The following CACNA2D2 variants were observed in gnomAD, a reference collection of about 807,000 sequenced individuals.
CACNA2D2 encodes calcium voltage-gated channel auxiliary subunit alpha2delta 2.
In CACNA2D2, 48 loss-of-function variants were observed where a neutral mutation model predicts 166.4. The observed-to-expected ratio is 0.29, with a 90% CI of 0.23 to 0.37. The LOEUF (loss-of-function observed/expected upper bound fraction) is 0.37. Among genes scored for constraint, CACNA2D2 ranks in the 10% least tolerant of loss-of-function variants. CACNA2D2 has a pLI of 1.00. For missense variants in CACNA2D2, 1,122 were observed against 1,433.0 expected, an observed-to-expected ratio of 0.78 and a Z score of 3.50; for synonymous variants, 561 against 573.7, an observed-to-expected ratio of 0.98 and a Z score of 0.32.
chr3:50,376,276 C>T lies in CACNA2D2; in HGVS notation c.1627-88G>A, dbSNP rs7615488. ...AGTTCTTCCCTATTTGGCCTCCCAC[C>T]GCACCGAGAGATTCTGTTTGCCTGC... On this transcript the variant is annotated intron_variant, in intron 17 of 37. Coordinates refer to ENST00000424201, the MANE Select transcript of CACNA2D2 (RefSeq NM_006030.4). This position sits in a 1 kb window ranked among gnomAD's most constrained non-coding sequence, Gnocchi z 4.3. 811 of 1,342,514 alleles carry T rather than the reference C, an allele frequency of 6.0e-4. 3 individuals carry two copies. In the African/African-American group the frequency reaches 9.1e-3, roughly 15 times the overall value. The allele number at this position is 1,342,514 out of a possible 1,614,324, so 83.2% of individuals were successfully genotyped here. A position where few individuals can be genotyped will look rare whatever the true frequency, so the allele number is the denominator to read the frequency against.
At chr3:50,396,859 G>C (rs1260414215) in intron 3 of CACNA2D2, among the ~76,000 whole-genome samples, 1 of 152,194 alleles carries the variant, frequency 6.6e-6, no homozygotes, top group Non-Finnish European at 1.5e-5. Flanking sequence ...GGTTGAGACT[G>C]GGGCAGAGTG....
intron 2 of CACNA2D2, among the ~76,000 whole-genome samples, chr3:50,446,466 C>T (rs1708852214): frequency 6.6e-6 from 1 of 152,214 alleles, no homozygotes; most frequent in South Asian, 2.1e-4. Flanking sequence ...CTCCATCTCC[C>T]CAGCAGCTGT....
intron 1 of CACNA2D2, among the ~76,000 whole-genome samples, chr3:50,498,809 C>T (rs1268886550): frequency 6.6e-6 from 1 of 152,254 alleles, no homozygotes; most frequent in Non-Finnish European, 1.5e-5. Flanking sequence ...TCAAGCCCCC[C>T]TCCACTTCCT....
Position 50,378,180 on chromosome 3 carries a change from C to T in CACNA2D2, c.1390-83G>A. 3 of 1,580,900 alleles carry T rather than the reference C, an allele frequency of 1.9e-6. No homozygotes were observed. In the Admixed American group the frequency reaches 5.1e-5, roughly 27 times the overall value. On this transcript the variant is annotated intron_variant, in intron 14 of 37. Coordinates refer to ENST00000424201, the MANE Select transcript of CACNA2D2 (RefSeq NM_006030.4). ...GTCTCGCCAGGCATTGGGATTGTGC[C>T]CCAGCCACTGTGAGGGGGCGCCCTT... is the stretch of plus-strand genomic sequence containing the variant.
intron 3 of CACNA2D2, among the ~76,000 whole-genome samples, chr3:50,404,613 G>C (rs1380867190): frequency 6.6e-6 from 1 of 152,190 alleles, no homozygotes; most frequent in Non-Finnish European, 1.5e-5. Flanking sequence ...CTCAGGGGCA[G>C]GACATGGGAG....
Position 50,503,303 on chromosome 3 carries a change from G to A in CACNA2D2, c.121C>T (p.Pro41Ser). 2.1e-6 allele frequency: 2 copies of A among 954,302 alleles called. No homozygotes were observed. Among genetic ancestry groups the A allele is most frequent in the Non-Finnish European group, 2.7e-6 (2 of 748,326 alleles). 59.1% of individuals were successfully genotyped at this position (954,302 alleles called of 1,614,324 possible). A position where few individuals can be genotyped will look rare whatever the true frequency, so the allele number is the denominator to read the frequency against. ...GGCAGCAGCAGCCACAGCGGGCGCG[G>A]GGGCCCGGACGTCGGGCGCCGGGTG... ...PGTRRPTSGPPRPLWLLLPLL... is the reference protein window; with the variant it reads ...PGTRRPTSGPSRPLWLLLPLL... The change falls in exon 1 of 38, where the codon CCG becomes TCG. Residue 41 changes from proline (P) to serine (S), a missense_variant. Pro to Ser is a moderately conservative substitution (Grantham distance 74). Transcript: ENST00000424201.
chr3:50,427,422 A>G lies in CACNA2D2; in HGVS notation c.405+6891T>C, dbSNP rs1015729236. On this transcript the variant is annotated intron_variant, in intron 3 of 37. Transcript: ENST00000424201. This position sits in a 1 kb window ranked among gnomAD's most constrained non-coding sequence, Gnocchi z 4.7. ...GGCACTGTTTGGGTGAGGGGAGAAT[A>G]ATCAGCTGTAAACGCCGCAATCAGG... 4.4e-4 allele frequency among the ~76,000 whole-genome samples: 67 copies of G among 152,204 alleles called. No individual in the cohort carries two copies. Among genetic ancestry groups the G allele is most frequent in the Non-Finnish European group, 2.6e-4 (18 of 68,042 alleles).
At chr3:50,488,812 T>G (rs1353249277) in intron 1 of CACNA2D2, among the ~76,000 whole-genome samples, 3 of 151,818 alleles carry the variant, frequency 2.0e-5, no homozygotes, top group East Asian at 1.9e-4. Context: ...CCATTCTCCT[T>G]CCTCAGCCTC....
chr3:50,376,589 GC>G lies in CACNA2D2; in HGVS notation c.1627-402del, dbSNP rs1705010082. ...CTCCTTGTCCCCACGTCAAGAGAGA[GC>G]AGCGGGACGAGTGGACCCTTCGGAA... On this transcript the variant is annotated intron_variant, in intron 17 of 37. Transcript: ENST00000424201. The surrounding 1 kb of genome is among the most constrained non-coding windows in gnomAD (Gnocchi z 4.3). Among the ~76,000 whole-genome samples the G allele has an allele frequency of 6.6e-6, 1 of 152,316 alleles. No homozygotes were observed. The highest frequency in any genetic ancestry group is 2.1e-4 in the South Asian group (1 of 4,826).
At chr3:50,460,165 A>G (rs1709528515) in intron 2 of CACNA2D2, among the ~76,000 whole-genome samples, 1 of 152,250 alleles carries the variant, frequency 6.6e-6, no homozygotes, top group Non-Finnish European at 1.5e-5. Flanking sequence ...AAAAAAGGAG[A>G]CTAGGGAGAC....
At chr3:50,370,757 G>A (rs1228800553) in intron 22 of CACNA2D2, among the ~76,000 whole-genome samples, 2 of 152,048 alleles carry the variant, frequency 1.3e-5, no homozygotes, top group Non-Finnish European at 2.9e-5. Flanking sequence ...CATGGTCTGG[G>A]GGAGGCGCCA....
intron 1 of CACNA2D2, among the ~76,000 whole-genome samples, chr3:50,502,706 C>T (rs957639719): frequency 6.6e-6 from 1 of 152,206 alleles, no homozygotes; most frequent in Non-Finnish European, 1.5e-5. Flanking sequence ...AGAAGGTGCT[C>T]GCATCATCAG....
In CACNA2D2 at chr3:50,367,607, G is replaced by C; in HGVS notation, c.2297+35C>G. The C allele has an allele frequency of 6.2e-7, 1 of 1,608,526 alleles. No individual in the cohort carries two copies. Among genetic ancestry groups the C allele is most frequent in the South Asian group, 1.1e-5 (1 of 90,964 alleles). ...CAGAACAGATGCAGGTTCCCTGGCA[G>C]GGGCAGGGTTTGGGTAGTGGGATAG... On this transcript the variant is annotated intron_variant, in intron 26 of 37. Coordinates refer to ENST00000424201, the MANE Select transcript of CACNA2D2 (RefSeq NM_006030.4). The surrounding 1 kb of genome is among the most constrained non-coding windows in gnomAD (Gnocchi z 6.5).
At chr3:50,422,543 C>T (rs531710192) in intron 3 of CACNA2D2, among the ~76,000 whole-genome samples, 1 of 152,292 alleles carries the variant, frequency 6.6e-6, no homozygotes, top group African/African-American at 2.4e-5. Context: ...GCAAAGGATC[C>T]AAGATGCAAG....
At chr3:50,500,899 T>C (rs1698937215) in intron 1 of CACNA2D2, among the ~76,000 whole-genome samples, 1 of 152,008 alleles carries the variant, frequency 6.6e-6, no homozygotes, top group African/African-American at 2.4e-5. Flanking sequence ...AAATCATAGC[T>C]AGCAGACCCC....
At chr3:50,386,220 G>A (rs2106696804) in intron 5 of CACNA2D2, among the ~76,000 whole-genome samples, 1 of 152,296 alleles carries the variant, frequency 6.6e-6, no homozygotes, top group South Asian at 2.1e-4. Flanking sequence ...CGGGCAAGGA[G>A]TCAATGATTT....
At chr3:50,450,040 G>A (rs1383127551) in intron 2 of CACNA2D2, among the ~76,000 whole-genome samples, 1 of 152,154 alleles carries the variant, frequency 6.6e-6, no homozygotes, top group African/African-American at 2.4e-5. Flanking sequence ...CAGAGTTTGT[G>A]AGCCCCAAGC....
At chr3:50,439,818 C>A (rs1023385228) in intron 2 of CACNA2D2, among the ~76,000 whole-genome samples, 23 of 152,152 alleles carry the variant, frequency 1.5e-4, no homozygotes, top group African/African-American at 5.3e-4. Context: ...GCTCAGGAAG[C>A]CTGAGCTGGG....
intron 5 of CACNA2D2, among the ~76,000 whole-genome samples, chr3:50,384,808 G>A (rs587617597): frequency 6.6e-6 from 1 of 152,238 alleles, no homozygotes; most frequent in African/African-American, 2.4e-5. Flanking sequence ...CCTTCATGGA[G>A]TTCCTCTGGG....
Sources: gnomAD v4.1 joint callset for allele counts (sites outside exome capture counted in the v4.1 genomes callset) on GRCh38, gnomAD v4.1.1 for gene constraint, Gnocchi (gnomAD v3.1) non-coding constraint, MANE v1.5 for transcripts, NCBI Gene and HGNC (gene_info 2026-07-23, HGNC 2026-07-21) for gene names.